The following INPP4B variants were observed in gnomAD, a reference collection of about 807,000 sequenced individuals.
INPP4B encodes inositol polyphosphate 4-phosphatase type II.
A neutral mutation model predicts 122.5 loss-of-function variants in INPP4B; 55 were observed. The ratio of observed to expected loss-of-function variants is 0.45; its 90% CI spans 0.36 to 0.56. INPP4B has a LOEUF of 0.56. INPP4B is among the 20% of genes least tolerant of loss of function. INPP4B has a pLI of 0.00. For missense variants in INPP4B, 1,000 were observed against 1,097.7 expected (o/e 0.91, Z 1.26); for synonymous variants, 403 against 388.7 (o/e 1.04, Z -0.43).
At chr4:142,446,584 C>G (rs978798684) in intron 3 of INPP4B, among the ~76,000 whole-genome samples, 7 of 152,138 alleles carry the variant, frequency 4.6e-5, no homozygotes, top group Non-Finnish European at 2.9e-5. Context: ...CATAGCAAAT[C>G]AAGTTCTAAT....
intron 7 of INPP4B, among the ~76,000 whole-genome samples, chr4:142,349,246 T>C (rs1050773237): frequency 2.0e-5 from 3 of 152,018 alleles, no homozygotes; most frequent in Non-Finnish European, 2.9e-5. Context: ...TTCTTTTTAT[T>C]TCCCCCCAGA....
At chr4:142,067,188 C>T (rs377690643) in intron 25 of INPP4B, among the ~76,000 whole-genome samples, 40 of 152,268 alleles carry the variant, frequency 2.6e-4, no homozygotes, top group East Asian at 1.9e-4. Context: ...CTGCAGCCTC[C>T]GCTGGTGATA....
At chr4:142,677,850 G>A (rs1758042654) in intron 2 of INPP4B, among the ~76,000 whole-genome samples, 1 of 151,958 alleles carries the variant, frequency 6.6e-6, no homozygotes, top group South Asian at 2.1e-4. Context: ...CAGGGTTTAG[G>A]GGCTAGGAGA....
intron 2 of INPP4B, chr4:142,467,850 A>G (rs745569190): frequency 8.5e-5 from 13 of 152,264 alleles, no homozygotes; most frequent in Non-Finnish European, 1.8e-4. Flanking sequence ...TGAATGGCTT[A>G]GCACCACTCT....
chr4:142,704,409 C>T (rs531325145), intron 2 of INPP4B, among the ~76,000 whole-genome samples: 19 of 152,132 alleles, frequency 1.2e-4, no homozygotes, highest in African/African-American at 4.1e-4. Flanking sequence ...GTAAAACTAC[C>T]CCTTGAGACA....
At chr4:142,055,530 C>CAG (rs1560958888) in intron 25 of INPP4B, among the ~76,000 whole-genome samples, 5 of 151,796 alleles carry the variant, frequency 3.3e-5, no homozygotes, top group African/African-American at 9.7e-5. Context: ...CTTAAAATTA[C>CAG]TACAAAAGTG....
chr4:142,324,811 G>A (rs1771720072), intron 7 of INPP4B, among the ~76,000 whole-genome samples: 1 of 152,110 alleles, frequency 6.6e-6, no homozygotes, highest in Non-Finnish European at 1.5e-5. Context: ...TGGTTCTCCA[G>A]CCTTCTGCAA....
chr4:142,039,642 T>TATA (rs1746098085), intron 25 of INPP4B, among the ~76,000 whole-genome samples: 3 of 151,802 alleles, frequency 2.0e-5, no homozygotes, highest in Admixed American at 1.3e-4. Context: ...GAGTTGAGAG[T>TATA]ATAATTGCTT....
chr4:142,762,492 T>G (rs1258351407), intron 1 of INPP4B, among the ~76,000 whole-genome samples: 3 of 152,176 alleles, frequency 2.0e-5, no homozygotes, highest in Non-Finnish European at 4.4e-5. Context: ...ACACTGCCTC[T>G]GGATAAAGCT....
chr4:142,088,712 G>T (rs1778016797), intron 23 of INPP4B, among the ~76,000 whole-genome samples: 1 of 152,142 alleles, frequency 6.6e-6, no homozygotes, highest in Non-Finnish European at 1.5e-5. Context: ...TAAGAGCAAT[G>T]GGGAACAGAG....
chr4:142,755,185 G>C (rs1273874483), intron 1 of INPP4B, among the ~76,000 whole-genome samples: 1 of 151,932 alleles, frequency 6.6e-6, no homozygotes, highest in Non-Finnish European at 1.5e-5. Flanking sequence ...TTAAGTAATA[G>C]TTACTGACTT....
intron 25 of INPP4B, among the ~76,000 whole-genome samples, chr4:142,081,214 A>C (rs925618086): frequency 6.6e-6 from 1 of 152,176 alleles, no homozygotes; most frequent in Admixed American, 6.6e-5. Context: ...TCTCCAGTGA[A>C]TCATATGACA....
chr4:142,041,547 G>A (rs1315883763), intron 25 of INPP4B, among the ~76,000 whole-genome samples: 3 of 152,094 alleles, frequency 2.0e-5, no homozygotes, highest in Non-Finnish European at 1.5e-5. Flanking sequence ...GAACCTGGGA[G>A]GCGGAGGTTG....
At chr4:142,799,074 A>G (rs1777658202) in intron 1 of INPP4B, among the ~76,000 whole-genome samples, 1 of 151,908 alleles carries the variant, frequency 6.6e-6, no homozygotes, top group Admixed American at 6.6e-5. Context: ...TAAATTTTAT[A>G]AAAACACTAG....
rs577054257 is a variant in INPP4B, at chr4:142,285,984, A to C, written c.504-15210T>G. Among the ~76,000 whole-genome samples, 3 of 152,326 alleles carry C rather than the reference A, an allele frequency of 2.0e-5. No homozygotes were observed. In the East Asian group the frequency reaches 5.8e-4, roughly 29 times the overall value. ...AGTCTTAACTCTGCATTACTAAATC[A>C]TCTGGTAATTATTTTAGAGGTCAAA... On this transcript the variant is annotated intron_variant, in intron 9 of 25. Transcript: ENST00000262992.
At chr4:142,382,283 T>C (rs1458743110) in intron 7 of INPP4B, among the ~76,000 whole-genome samples, 1 of 151,822 alleles carries the variant, frequency 6.6e-6, no homozygotes, top group Non-Finnish European at 1.5e-5. Flanking sequence ...CCAAGGCGGG[T>C]GGATCACCTG....
chr4:142,102,460 CTTTTTTTTTTT>C lies in INPP4B; in HGVS notation c.2374+5622_2374+5632del, dbSNP rs35404733. Among the ~76,000 whole-genome samples the C allele has an allele frequency of 2.8e-3, 279 of 99,688 alleles. 1 individual carries two copies. The highest frequency in any genetic ancestry group is 8.8e-3 in the African/African-American group (259 of 29,494). 65.4% of individuals were successfully genotyped at this position (99,688 alleles called of 152,430 possible). A position where few individuals can be genotyped will look rare whatever the true frequency, so the allele number is the denominator to read the frequency against. On this transcript the variant is annotated intron_variant, in intron 23 of 25. Coordinates refer to ENST00000262992, the MANE Select transcript of INPP4B (RefSeq NM_001101669.3). The stretch of plus-strand genomic sequence containing the variant: ...TTGGCAAGGTGGATGTGAACAAAGT[CTTTTTTTTTTT>C]TTTTTTTTTTGAAGCTTTTCCTCTG...
chr4:142,370,942 T>A (rs1789663935), intron 7 of INPP4B, among the ~76,000 whole-genome samples: 1 of 151,756 alleles, frequency 6.6e-6, no homozygotes, highest in African/African-American at 2.4e-5. Flanking sequence ...AACCTAAAAC[T>A]CATATGAAAC....
rs565195546 is a variant in INPP4B, at chr4:142,802,468, G to A, written c.-254+43741C>T. Among the ~76,000 whole-genome samples the A allele has an allele frequency of 5.3e-5, 8 of 152,260 alleles. No individual in the cohort carries two copies. In the East Asian group the frequency reaches 1.5e-3, roughly 29 times the overall value. On this transcript the variant is annotated intron_variant, in intron 1 of 25. Coordinates refer to ENST00000262992, the MANE Select transcript of INPP4B (RefSeq NM_001101669.3). ...AGATGGCCCAAAGAATCACAGAGAA[G>A]CCTTCCCAGAGGTCTGTGTTTGTGA...
Sources: allele counts gnomAD v4.1 joint callset (sites outside exome capture counted in the v4.1 genomes callset), GRCh38; gene constraint gnomAD v4.1.1; transcripts MANE v1.5; gene names NCBI Gene and HGNC (gene_info 2026-07-23, HGNC 2026-07-21).